Variants in RRAGB observed in about 807,000 individuals in gnomAD.
The protein encoded by RRAGB is ras-related GTP-binding protein B.
In RRAGB, 6 loss-of-function variants were observed where a neutral mutation model predicts 29.3. The ratio of observed to expected loss-of-function variants is 0.21; its 90% confidence interval spans 0.11 to 0.40. The LOEUF (loss-of-function observed/expected upper bound fraction) is 0.40. Ranked by LOEUF, RRAGB falls within the 10% of genes least tolerant of loss-of-function variation. The pLI, the probability that RRAGB is intolerant of heterozygous loss-of-function variation, is 1.00. For missense variants in RRAGB, 184 were observed against 272.9 expected, an observed-to-expected ratio of 0.67 and a Z score of 2.29; for synonymous variants, 101 against 92.5, an observed-to-expected ratio of 1.09 and a Z score of -0.53.
intron 5 of RRAGB, among the ~76,000 whole-genome samples, chrX:55,749,343 G>A (rs1261739930): frequency 1.1e-5 from 1 of 91,234 alleles, no homozygotes; most frequent in Non-Finnish European, 2.1e-5. Context: ...CCGGCCAGCC[G>A]CCCCATCCGG....
chrX:55,757,394 G>C, intron 9 of RRAGB, 63 bp downstream of exon 9: 1 of 620,461 alleles, frequency 1.6e-6, no homozygotes, highest in South Asian at 4.2e-5. Flanking sequence ...TTGTCCCAGA[G>C]GTAGTACTTT....
chrX:55,731,669 A>AT (rs2033684717), intron 5 of RRAGB, 83 bp downstream of exon 5: 1 of 617,491 alleles, frequency 1.6e-6, no homozygotes, highest in African/African-American at 2.3e-5. Flanking sequence ...AATTTGTACC[A>AT]TTTTTTCAGG....
In RRAGB at chrX:55,744,736, G is replaced by A. The variant is rs144822368; in HGVS notation, c.517-6365G>A. On this transcript the variant is annotated intron_variant, in intron 5 of 9. Transcript: ENST00000374941. Reference sequence around the variant, plus strand: ...GGCATGTGCTGCAGTTCACATATGGGAGCTTGCCAGTGACTCCAAATGGCA... The same window carrying A: ...GGCATGTGCTGCAGTTCACATATGGAAGCTTGCCAGTGACTCCAAATGGCA... Among the ~76,000 whole-genome samples, 350 of 112,391 alleles carry A rather than the reference G, an allele frequency of 3.1e-3. 1 individual carries two copies. The highest frequency in any genetic ancestry group is 5.5e-3 in the Non-Finnish European group (293 of 53,257).
In RRAGB at chrX:55,718,395, T is replaced by C. The variant is rs892580164; in HGVS notation, c.68T>C (p.Leu23Pro). The change falls in exon 1 of 10, where the codon CTA becomes CCA. Residue 23 changes from leucine (L) to proline (P), a missense_variant. Transcript: ENST00000374941. ...ENLGPRMDPP[L>P]GEPEGSLGWV... ...CTGGGGCCGAGAATGGATCCACCACTAGGGGAACCGGAAGGATCGCTTGGG... is the reference window on the plus strand; with the variant it reads ...CTGGGGCCGAGAATGGATCCACCACCAGGGGAACCGGAAGGATCGCTTGGG... The C allele has an allele frequency of 8.3e-7, 1 of 1,200,322 alleles. No individual in the cohort carries two copies. The highest frequency in any genetic ancestry group is 1.7e-5 in the African/African-American group (1 of 57,494).
Position 55,758,677 on chromosome X carries a change from T to C in RRAGB, c.*334T>C. 7.0e-6 allele frequency: 1 copy of C among 143,865 alleles called. No homozygotes were observed. Among genetic ancestry groups the C allele is most frequent in the Non-Finnish European group, 1.4e-5 (1 of 72,941 alleles). The allele number at this position is 143,865 out of a possible 1,213,427, so 11.9% of individuals were successfully genotyped here. A position where few individuals can be genotyped will look rare whatever the true frequency, so the allele number is the denominator to read the frequency against. On this transcript the variant is annotated 3_prime_UTR_variant, in exon 10 of 10. Coordinates refer to ENST00000374941, the MANE Select transcript of RRAGB (RefSeq NM_006064.5). Reference sequence around the variant, plus strand: ...GCATCATCTTGTATTCCTTATCAGATAGTAAGTAACCTGTAAGTTTGGAGT... The same window carrying C: ...GCATCATCTTGTATTCCTTATCAGACAGTAAGTAACCTGTAAGTTTGGAGT...
intron 5 of RRAGB, among the ~76,000 whole-genome samples, chrX:55,739,611 CT>C (rs762578557): frequency 8.0e-5 from 9 of 111,884 alleles, no homozygotes; most frequent in Admixed American, 1.9e-4. Context: ...CTTTCATGCT[CT>C]GGAGACTCAC....
intron 3 of RRAGB, among the ~76,000 whole-genome samples, chrX:55,723,990 AGTT>A (rs762209254): frequency 1.7e-4 from 19 of 112,272 alleles, no homozygotes; most frequent in Non-Finnish European, 3.4e-4. Flanking sequence ...TGGTATTGAG[AGTT>A]AGATGCAGGT....
At chrX:55,744,714 A>G (rs1295676037) in intron 5 of RRAGB, among the ~76,000 whole-genome samples, 1 of 112,500 alleles carries the variant, frequency 8.9e-6, no homozygotes, top group Non-Finnish European at 1.9e-5. Flanking sequence ...TGCTGAAGGC[A>G]TGTGCTGCAG....
intron 5 of RRAGB, among the ~76,000 whole-genome samples, chrX:55,742,638 C>G (rs2147105252): frequency 9.0e-6 from 1 of 111,480 alleles, no homozygotes; most frequent in East Asian, 2.8e-4. Flanking sequence ...AGTGGAATCA[C>G]TATGTTTCCT....
chrX:55,744,766 T>G (rs2034191557), intron 5 of RRAGB, among the ~76,000 whole-genome samples: 1 of 112,536 alleles, frequency 8.9e-6, no homozygotes, highest in South Asian at 3.7e-4. Flanking sequence ...ATGGCATCCC[T>G]GTCTGCCATT....
At chrX:55,748,078 G>A (rs1051684101) in intron 5 of RRAGB, among the ~76,000 whole-genome samples, 3 of 112,583 alleles carry the variant, frequency 2.7e-5, no homozygotes, top group Non-Finnish European at 5.6e-5. Context: ...CTGTGTTGGC[G>A]GGGCTGGTCT....
rs1482760223 is a variant in RRAGB at position 55,718,305 on chromosome X, G to T, written c.-23G>T. 1 of 1,132,410 alleles carries T rather than the reference G, an allele frequency of 8.8e-7. No homozygotes were observed. The highest frequency in any genetic ancestry group is 1.2e-6 in the Non-Finnish European group (1 of 832,794). 93.3% of individuals were successfully genotyped at this position (1,132,410 alleles called of 1,213,427 possible). A position where few individuals can be genotyped will look rare whatever the true frequency, so the allele number is the denominator to read the frequency against. The stretch of plus-strand genomic sequence containing the variant: ...TGAAGAGTACTGAAGATTTAGAAGG[G>T]ACTGGAAAGGACTTGTTGCGCAATG... On this transcript the variant is annotated 5_prime_UTR_variant, in exon 1 of 10. Transcript: ENST00000374941.
In RRAGB at chrX:55,718,391, C is replaced by T. The variant is rs769460101; in HGVS notation, c.64C>T (p.Pro22Ser). Reference protein sequence around the residue: ...KENLGPRMDPPLGEPEGSLGW... With the variant: ...KENLGPRMDPSLGEPEGSLGW... ...AAATCTGGGGCCGAGAATGGATCCA[C>T]CACTAGGGGAACCGGAAGGATCGCT... Residue 22 changes from proline (P) to serine (S), a missense_variant, in exon 1 of 10, where the codon CCA (proline) becomes TCA (serine). Pro to Ser is a moderately conservative substitution (Grantham distance 74). Coordinates refer to ENST00000374941, the MANE Select transcript of RRAGB (RefSeq NM_006064.5). The T allele has an allele frequency of 8.3e-7, 1 of 1,200,260 alleles. No individual in the cohort carries two copies. Among genetic ancestry groups the T allele is most frequent in the Admixed American group, 2.2e-5 (1 of 45,108 alleles).
At chrX:55,755,750 C>A in intron 7 of RRAGB, 91 bp from the exon 8 acceptor site, 1 of 1,123,689 alleles carries the variant, frequency 8.9e-7, no homozygotes, top group South Asian at 2.2e-5. Context: ...AAACCAGTGA[C>A]CAAGGGACTG....
intron 7 of RRAGB, chrX:55,755,553 A>G (rs927335066): frequency 4.1e-6 from 3 of 737,079 alleles, no homozygotes; most frequent in Admixed American, 8.8e-5. Context: ...TTGAAATAAA[A>G]TGAATATTTA....
intron 5 of RRAGB, among the ~76,000 whole-genome samples, chrX:55,736,875 C>T (rs1350082392): frequency 8.9e-6 from 1 of 112,059 alleles, no homozygotes; most frequent in East Asian, 2.8e-4. Flanking sequence ...TCTCATGAAG[C>T]ATATCTCATT....
At chrX:55,747,959 A>C (rs2034311521) in intron 5 of RRAGB, among the ~76,000 whole-genome samples, 1 of 110,285 alleles carries the variant, frequency 9.1e-6, no homozygotes, top group Non-Finnish European at 1.9e-5. Flanking sequence ...GCTCACTGCA[A>C]CCTCCCTGCC....
At position 55,747,357 on chromosome X, in the gene RRAGB, G is replaced by A. The variant is rs750705102; in HGVS notation, c.517-3744G>A. On this transcript the variant is annotated intron_variant, in intron 5 of 9. Transcript: ENST00000374941. The stretch of plus-strand genomic sequence containing the variant: ...CCCTGTGAGGTTGTGAATTCAGTTC[G>A]CATTGTAATTCATCCACTTAAAGGA... Among the ~76,000 whole-genome samples, 11 of 112,310 alleles carry A rather than the reference G, an allele frequency of 9.8e-5. No individual in the cohort carries two copies. In the East Asian group the frequency reaches 2.5e-3, roughly 26 times the overall value.
At chrX:55,749,172 T>C (rs1264012814) in intron 5 of RRAGB, among the ~76,000 whole-genome samples, 1 of 74,662 alleles carries the variant, frequency 1.3e-5, no homozygotes, top group Non-Finnish European at 2.6e-5. Context: ...AGCCGCCCCG[T>C]CCGGGAGGGA....
Sources: gnomAD v4.1 joint callset for allele counts (sites outside exome capture counted in the v4.1 genomes callset) on GRCh38, gnomAD v4.1.1 for gene constraint, MANE v1.5 for transcripts, NCBI Gene and HGNC (gene_info 2026-07-23, HGNC 2026-07-21) for gene names.